Variants in ESRRG observed in about 807,000 individuals in gnomAD.
The protein encoded by ESRRG is estrogen-related receptor gamma.
ESRRG carries 13 observed loss-of-function variants against 44.0 expected under a neutral mutation model. The observed-to-expected ratio is 0.30, with a 90% CI of 0.19 to 0.47. The LOEUF (loss-of-function observed/expected upper bound fraction) is 0.47, where lower values mean the gene tolerates loss of function less well. ESRRG is among the 20% of genes least tolerant of loss of function. The pLI is 1.00. For synonymous variants in ESRRG, 215 were observed against 214.6 expected, an observed-to-expected ratio of 1.00 and a Z score of -0.02; for missense variants, 395 against 580.6, an observed-to-expected ratio of 0.68 and a Z score of 3.29.
chr1:216,606,449 T>C (rs2059945439), intron 3 of ESRRG, among the ~76,000 whole-genome samples: 1 of 152,200 alleles, frequency 6.6e-6, no homozygotes, highest in African/African-American at 2.4e-5. Context: ...TTTTTCTCTA[T>C]GGATTCTCTG....
At chr1:216,558,719 A>G (rs1182494790) in intron 5 of ESRRG, among the ~76,000 whole-genome samples, 1 of 152,150 alleles carries the variant, frequency 6.6e-6, no homozygotes, top group Non-Finnish European at 1.5e-5. Context: ...ACATTACTCA[A>G]TGACAGCTCA....
intron 1 of ESRRG, among the ~76,000 whole-genome samples, chr1:216,953,948 G>A (rs1280780435): frequency 1.3e-5 from 2 of 151,752 alleles, no homozygotes; most frequent in East Asian, 1.9e-4. Context: ...TAGTAAGAAG[G>A]AAAACATTAA....
intron 3 of ESRRG, among the ~76,000 whole-genome samples, chr1:216,614,092 T>C (rs1183197836): frequency 1.3e-5 from 2 of 152,186 alleles, no homozygotes; most frequent in African/African-American, 2.4e-5. Context: ...GAGAGACGAT[T>C]TATGCTTTCA....
chr1:216,813,810 G>T (rs562099099), intron 2 of ESRRG, among the ~76,000 whole-genome samples: 2 of 152,004 alleles, frequency 1.3e-5, no homozygotes, highest in Non-Finnish European at 2.9e-5. Context: ...TGCTTATGTC[G>T]GGGGGACATC....
intron 1 of ESRRG, among the ~76,000 whole-genome samples, chr1:217,105,533 C>G (rs538349608): frequency 2.6e-5 from 4 of 152,076 alleles, no homozygotes; most frequent in African/African-American, 9.7e-5. Context: ...GAATGCTGAC[C>G]CTGTGCCTGG....
chr1:216,803,330 C>T (rs1014430078), intron 2 of ESRRG, among the ~76,000 whole-genome samples: 12 of 151,946 alleles, frequency 7.9e-5, no homozygotes, highest in African/African-American at 2.7e-4. Flanking sequence ...TTCTGATTTC[C>T]CCCTGCAAAC....
chr1:216,922,036 ACACCGCGGTTAC>A (rs2149721862), intron 2 of ESRRG, among the ~76,000 whole-genome samples: 1 of 152,282 alleles, frequency 6.6e-6, no homozygotes, highest in Admixed American at 6.5e-5. Flanking sequence ...CAGTGGGATA[ACACCGCGGTTAC>A]CACCAGGAAC....
intron 2 of ESRRG, among the ~76,000 whole-genome samples, chr1:216,883,016 C>T (rs538959112): frequency 6.6e-6 from 1 of 152,038 alleles, no homozygotes; most frequent in East Asian, 1.9e-4. Context: ...ATGTGGAGTA[C>T]CAACAATGTG....
chr1:216,965,160 C>CT (rs34094121), intron 1 of ESRRG, among the ~76,000 whole-genome samples: 82,839 of 147,748 alleles, frequency 0.56, 23,710 homozygotes, highest in Middle Eastern at 0.72. Flanking sequence ...ACACATATGC[C>CT]TTTTTTTTTT....
chr1:216,912,230 G>A lies in ESRRG; in HGVS notation c.-14+27352C>T, dbSNP rs1438950387. On this transcript the variant is annotated intron_variant, in intron 2 of 7. Transcript: ENST00000359162. ...GGAGAGGAGAGGAGAGGAGAGGAGA[G>A]GAGAGGAGAGGAGAGGAGAGGAGAG... is the stretch of plus-strand genomic sequence containing the variant. Among the ~76,000 whole-genome samples, 152 of 89,960 alleles carry A rather than the reference G, an allele frequency of 1.7e-3. 20 individuals carry two copies. In the East Asian group the frequency reaches 0.024, roughly 14 times the overall value. The allele number at this position is 89,960 out of a possible 152,430, so 59.0% of individuals were successfully genotyped here.
At chr1:216,893,112 C>T (rs1057319468) in intron 2 of ESRRG, among the ~76,000 whole-genome samples, 2 of 152,134 alleles carry the variant, frequency 1.3e-5, no homozygotes, top group Non-Finnish European at 2.9e-5. Flanking sequence ...ATTTGCTATT[C>T]GTTGAAACAA....
chr1:216,627,782 A>G (rs2150604589), intron 3 of ESRRG, among the ~76,000 whole-genome samples: 1 of 151,656 alleles, frequency 6.6e-6, no homozygotes, highest in South Asian at 2.1e-4. Context: ...TTATTTGATA[A>G]TTGTGAAATA....
At chr1:216,842,226 C>G (rs1248003417) in intron 2 of ESRRG, among the ~76,000 whole-genome samples, 6 of 152,104 alleles carry the variant, frequency 3.9e-5, no homozygotes, top group African/African-American at 7.2e-5. Flanking sequence ...AAGTTCTTAA[C>G]TTCCTTTTCA....
intron 2 of ESRRG, among the ~76,000 whole-genome samples, chr1:216,669,142 A>G (rs1272191469): frequency 6.6e-6 from 1 of 152,112 alleles, no homozygotes; most frequent in African/African-American, 2.4e-5. Context: ...CAGAGAAGGC[A>G]TGTGGCACAC....
At chr1:216,958,158 C>T (rs2068328776) in intron 1 of ESRRG, among the ~76,000 whole-genome samples, 1 of 151,918 alleles carries the variant, frequency 6.6e-6, no homozygotes, top group South Asian at 2.1e-4. Flanking sequence ...TATAAATATC[C>T]CCTAATTAAT....
At chr1:216,925,979 A>C (rs2062508694) in intron 2 of ESRRG, among the ~76,000 whole-genome samples, 1 of 152,172 alleles carries the variant, frequency 6.6e-6, no homozygotes, top group Non-Finnish European at 1.5e-5. Flanking sequence ...TCTGCTCTTC[A>C]CAGTTCATGA....
intron 1 of ESRRG, among the ~76,000 whole-genome samples, chr1:217,048,269 TG>T (rs752382419): frequency 6.6e-6 from 1 of 152,136 alleles, no homozygotes; most frequent in Non-Finnish European, 1.5e-5. Context: ...ACAGAGGGCT[TG>T]GGCTGGGAGG....
intron 2 of ESRRG, among the ~76,000 whole-genome samples, chr1:216,878,726 A>G (rs2096396376): frequency 1.3e-5 from 2 of 152,170 alleles, no homozygotes; most frequent in South Asian, 4.1e-4. Flanking sequence ...CTGTGCTTTT[A>G]TTCAGTACTA....
chr1:216,528,826 A>G (rs1478808074), intron 5 of ESRRG, among the ~76,000 whole-genome samples: 1 of 152,098 alleles, frequency 6.6e-6, no homozygotes, highest in Admixed American at 6.6e-5. Flanking sequence ...AAATGCATAC[A>G]TAAGGCGTCC....
Sources: allele counts gnomAD v4.1 joint callset (sites outside exome capture counted in the v4.1 genomes callset), GRCh38; gene constraint gnomAD v4.1.1; transcripts MANE v1.5; gene names NCBI Gene and HGNC (gene_info 2026-07-23, HGNC 2026-07-21).